Variants in WWTR1 observed in about 807,000 individuals in gnomAD.
WWTR1 encodes the protein WW domain containing transcription regulator 1.
A neutral mutation model predicts 40.1 loss-of-function variants in WWTR1; 13 were observed. The observed-to-expected ratio is 0.32, with a 90% CI of 0.21 to 0.52. The LOEUF (loss-of-function observed/expected upper bound fraction) is 0.52. Among genes scored for constraint, WWTR1 ranks in the 20% least tolerant of loss-of-function variants. WWTR1 has a pLI of 0.97. For synonymous variants in WWTR1, 230 were observed against 210.1 expected (o/e 1.09, Z -0.82); for missense variants, 436 against 523.1 (o/e 0.83, Z 1.63).
chr3:149,625,805 G>A (rs1029443485), intron 2 of WWTR1, among the ~76,000 whole-genome samples: 38 of 150,788 alleles, frequency 2.5e-4, no homozygotes, highest in African/African-American at 2.7e-4. Context: ...AAAAAAAAGC[G>A]GAAATTAGCA....
intron 2 of WWTR1, among the ~76,000 whole-genome samples, chr3:149,628,618 G>T (rs978091374): frequency 6.6e-6 from 1 of 152,130 alleles, no homozygotes; most frequent in African/African-American, 2.4e-5. Context: ...GCTTTTGAAG[G>T]TTAGGGAAAA....
intron 3 of WWTR1, among the ~76,000 whole-genome samples, chr3:149,565,632 T>C (rs1737282003): frequency 6.6e-6 from 1 of 152,286 alleles, no homozygotes; most frequent in Non-Finnish European, 1.5e-5. Context: ...GAATGTCCTT[T>C]TCAGGCCGGG....
chr3:149,654,983 G>A (rs1162910168), intron 2 of WWTR1, among the ~76,000 whole-genome samples: 7 of 151,856 alleles, frequency 4.6e-5, no homozygotes, highest in Non-Finnish European at 7.4e-5. Context: ...AAAAGTAGCC[G>A]GGCTTGGTGG....
chr3:149,559,744 G>A (rs754350887), intron 3 of WWTR1, among the ~76,000 whole-genome samples: 5 of 152,158 alleles, frequency 3.3e-5, no homozygotes, highest in Non-Finnish European at 7.3e-5. Context: ...CAATGCTTTT[G>A]ATAACTGATT....
intron 2 of WWTR1, among the ~76,000 whole-genome samples, chr3:149,586,872 T>C (rs1738454683): frequency 6.6e-6 from 1 of 152,196 alleles, no homozygotes; most frequent in South Asian, 2.1e-4. Flanking sequence ...TTCAGAGAGC[T>C]TCTGGATAGC....
At chr3:149,536,907 C>T (rs776012916) in intron 4 of WWTR1, among the ~76,000 whole-genome samples, 1 of 152,048 alleles carries the variant, frequency 6.6e-6, no homozygotes, top group Non-Finnish European at 1.5e-5. Flanking sequence ...TCCTGGTCCT[C>T]GAGGTTAAAA....
At chr3:149,716,600 T>C (rs1715611694) in intron 5 of WWTR1, among the ~76,000 whole-genome samples, 1 of 152,150 alleles carries the variant, frequency 6.6e-6, no homozygotes, top group Admixed American at 6.5e-5. Flanking sequence ...AAAAAAATTA[T>C]ATTTTAACAT....
chr3:149,621,233 T>C (rs1038462830), intron 2 of WWTR1, among the ~76,000 whole-genome samples: 1 of 152,262 alleles, frequency 6.6e-6, no homozygotes, highest in African/African-American at 2.4e-5. Flanking sequence ...TCCTTGTTTT[T>C]AAACTTTTCA....
chr3:149,704,512 A>T (rs10935773), upstream of WWTR1, among the ~76,000 whole-genome samples: 711 of 152,320 alleles, frequency 4.7e-3, 3 homozygotes, highest in African/African-American at 0.016. Flanking sequence ...CTGAAAGCAG[A>T]CAGATTTGAA....
rs540116011 is a variant in WWTR1 at position 149,615,549 on chromosome 3, AT to A, written c.431+41326del. Among the ~76,000 whole-genome samples, 320 of 152,354 alleles carry A rather than the reference AT, an allele frequency of 2.1e-3. 1 individual carries two copies. Among genetic ancestry groups the A allele is most frequent in the African/African-American group, 7.4e-3 (308 of 41,588 alleles). ...TTCCATAATACAAAGTTTTAAAAAA[AT>A]CATTGTGAATATATATTGCTCCAAT... On this transcript the variant is annotated intron_variant, in intron 2 of 6. Transcript: ENST00000360632.
At chr3:149,636,828 G>A (rs375806367) in intron 2 of WWTR1, among the ~76,000 whole-genome samples, 43 of 151,994 alleles carry the variant, frequency 2.8e-4, no homozygotes, top group African/African-American at 9.4e-4. Flanking sequence ...TTAGCTGGGT[G>A]TGGTGGCAGG....
chr3:149,620,467 T>C (rs1202083209), intron 2 of WWTR1, among the ~76,000 whole-genome samples: 1 of 152,000 alleles, frequency 6.6e-6, no homozygotes, highest in Non-Finnish European at 1.5e-5. Flanking sequence ...AGGAGAGAAT[T>C]TGTGGGCAGT....
intron 2 of WWTR1, among the ~76,000 whole-genome samples, chr3:149,637,420 G>A (rs960891947): frequency 8.6e-5 from 13 of 151,480 alleles, no homozygotes; most frequent in Admixed American, 2.6e-4. Context: ...TAGTAGAGAC[G>A]GGGTTTCACC....
At chr3:149,521,060 T>C (rs1473836136) in intron 6 of WWTR1, 71 bp from the exon 7 acceptor site, 2 of 1,471,400 alleles carry the variant, frequency 1.4e-6, no homozygotes, top group Admixed American at 2.3e-5. Flanking sequence ...AGTTCAAGTA[T>C]TTACATAACC....
intron 6 of WWTR1, among the ~76,000 whole-genome samples, chr3:149,525,041 CCTTGAGAAAAGGAGAA>C (rs1223187008): frequency 6.6e-6 from 1 of 152,104 alleles, no homozygotes; most frequent in Non-Finnish European, 1.5e-5. Context: ...AAGTCTCACT[CCTTGAGAAAAGGAGAA>C]AAAGAAAGGT....
intron 2 of WWTR1, among the ~76,000 whole-genome samples, chr3:149,586,258 C>T (rs1021044802): frequency 6.7e-6 from 1 of 148,590 alleles, no homozygotes; most frequent in Non-Finnish European, 1.5e-5. Flanking sequence ...ACTGATTCAC[C>T]AACTTTTTTT....
At chr3:149,706,819 G>T (rs1323911061), upstream of WWTR1, among the ~76,000 whole-genome samples, 1 of 152,140 alleles carries the variant, frequency 6.6e-6, no homozygotes, top group African/African-American at 2.4e-5. Context: ...TTAAGAAAAG[G>T]AAGGTCTCAG....
intron 3 of WWTR1, among the ~76,000 whole-genome samples, chr3:149,547,142 G>A (rs956154894): frequency 3.3e-5 from 5 of 151,212 alleles, no homozygotes; most frequent in Non-Finnish European, 1.5e-5. Flanking sequence ...GCATGGGAAG[G>A]CAAAACATCT....
At chr3:149,669,516 A>G (rs11710532) in intron 2 of WWTR1, among the ~76,000 whole-genome samples, 59,266 of 152,066 alleles carry the variant, frequency 0.39, 11,729 homozygotes, top group Middle Eastern at 0.55. Context: ...CCCCAGTACT[A>G]GAGTCCAGTG....
Sources: allele counts gnomAD v4.1 joint callset (sites outside exome capture counted in the v4.1 genomes callset), GRCh38; gene constraint gnomAD v4.1.1; transcripts MANE v1.5; gene names NCBI Gene and HGNC (gene_info 2026-07-23, HGNC 2026-07-21).